MCPH1: variants seen among roughly 807,000 people sequenced by gnomAD.
MCPH1 encodes the protein microcephalin 1, also known as microcephalin.
Under a neutral mutation model 84.5 loss-of-function variants are expected in MCPH1, and 104 were observed. The ratio of observed to expected loss-of-function variants is 1.23; its 90% CI spans 1.05 to 1.45. The LOEUF (loss-of-function observed/expected upper bound fraction) is 1.45. MCPH1 is among the 40% of genes most tolerant of loss of function. The pLI is 0.00. For missense variants in MCPH1, 1,498 were observed against 1,005.7 expected (o/e 1.49, Z -6.62); for synonymous variants, 514 against 366.8 (o/e 1.40, Z -4.58).
intron 12 of MCPH1, among the ~76,000 whole-genome samples, chr8:6,611,909 C>A (rs530902707): frequency 6.6e-6 from 1 of 152,216 alleles, no homozygotes; most frequent in Non-Finnish European, 1.5e-5. Flanking sequence ...TGAGCCACCG[C>A]GCCCGGCCTG....
At chr8:6,528,059 C>G (rs941175993) in intron 12 of MCPH1, among the ~76,000 whole-genome samples, 1 of 128,118 alleles carries the variant, frequency 7.8e-6, no homozygotes, top group Non-Finnish European at 1.8e-5. Context: ...CCATACCCAG[C>G]TAATTTTTTA....
intron 13 of MCPH1, among the ~76,000 whole-genome samples, chr8:6,631,695 G>A (rs1430488069): frequency 6.6e-6 from 1 of 151,690 alleles, no homozygotes; most frequent in East Asian, 1.9e-4. Flanking sequence ...TGTTAGTAAG[G>A]ATGTGGAAAA....
intron 8 of MCPH1, chr8:6,446,066 CTA>C (rs1804324697): frequency 1.0e-6 from 1 of 980,432 alleles, no homozygotes; most frequent in Non-Finnish European, 1.2e-6. Flanking sequence ...TCAGTGTTAA[CTA>C]TGAAGAAACA....
chr8:6,531,125 C>A (rs763885190), intron 12 of MCPH1, among the ~76,000 whole-genome samples: 2 of 151,958 alleles, frequency 1.3e-5, no homozygotes, highest in Non-Finnish European at 2.9e-5. Flanking sequence ...CGGCCTTGAG[C>A]TTGGAGCGTC....
At chr8:6,490,031 C>T (rs1810385792) in intron 11 of MCPH1, among the ~76,000 whole-genome samples, 1 of 152,084 alleles carries the variant, frequency 6.6e-6, no homozygotes, top group African/African-American at 2.4e-5. Flanking sequence ...TAACTTGGAT[C>T]AACTGTGAAG....
intron 12 of MCPH1, among the ~76,000 whole-genome samples, chr8:6,613,078 C>T (rs893284892): frequency 2.6e-5 from 4 of 152,136 alleles, no homozygotes; most frequent in Non-Finnish European, 4.4e-5. Flanking sequence ...ATCGGCCTTC[C>T]ATATGGGGGT....
At chr8:6,586,727 A>G (rs1282754217) in intron 12 of MCPH1, among the ~76,000 whole-genome samples, 1 of 152,286 alleles carries the variant, frequency 6.6e-6, no homozygotes, top group Non-Finnish European at 1.5e-5. Flanking sequence ...CAAGCCATTC[A>G]TTTCTATGGG....
chr8:6,439,895 G>A (rs1244012107), intron 6 of MCPH1, among the ~76,000 whole-genome samples: 1 of 152,164 alleles, frequency 6.6e-6, no homozygotes, highest in Admixed American at 6.5e-5. Flanking sequence ...TCTACCTGGG[G>A]GTAACCTGTA....
At chr8:6,509,650 C>T (rs576927386) in intron 12 of MCPH1, among the ~76,000 whole-genome samples, 5 of 152,198 alleles carry the variant, frequency 3.3e-5, no homozygotes, top group African/African-American at 7.2e-5. Context: ...AAGTTAGACA[C>T]TATTTACAAT....
At chr8:6,593,295 C>G (rs1426638377) in intron 12 of MCPH1, among the ~76,000 whole-genome samples, 2 of 151,944 alleles carry the variant, frequency 1.3e-5, no homozygotes, top group Non-Finnish European at 2.9e-5. Flanking sequence ...GTTAGTCAGG[C>G]TGGTCTCAAA....
At chr8:6,500,204 A>G (rs1395003259) in intron 12 of MCPH1, 2 of 433,362 alleles carry the variant, frequency 4.6e-6, no homozygotes, top group South Asian at 2.3e-5. Flanking sequence ...ATGAAAAAAG[A>G]CTGAATTCTT....
chr8:6,539,582 T>C (rs989382614), intron 12 of MCPH1, among the ~76,000 whole-genome samples: 4 of 152,158 alleles, frequency 2.6e-5, no homozygotes, highest in Non-Finnish European at 5.9e-5. Flanking sequence ...TTTCTAGTCA[T>C]ACTTTTTTAT....
intron 12 of MCPH1, among the ~76,000 whole-genome samples, chr8:6,547,026 C>T (rs1168354352): frequency 6.6e-6 from 1 of 152,130 alleles, no homozygotes; most frequent in Non-Finnish European, 1.5e-5. Flanking sequence ...AAGAAGCGTT[C>T]TCAGAGCAAC....
intron 13 of MCPH1, among the ~76,000 whole-genome samples, chr8:6,631,062 C>T (rs540210855): frequency 5.8e-4 from 89 of 152,298 alleles, no homozygotes; most frequent in African/African-American, 2.0e-3. Context: ...ATACGGCAAC[C>T]AGGCAAATGC....
chr8:6,424,835 TCTTC>T (rs1800820119), intron 3 of MCPH1, among the ~76,000 whole-genome samples: 1 of 152,386 alleles, frequency 6.6e-6, no homozygotes, highest in African/African-American at 2.4e-5. Flanking sequence ...TCTCCTGTGT[TCTTC>T]CTTGTGTGTC....
Position 6,601,045 on chromosome 8 carries a change from C to T in MCPH1, c.2215-20409C>T, listed in dbSNP as rs77542231. Among the ~76,000 whole-genome samples, 1,276 of 152,262 alleles carry T rather than the reference C, an allele frequency of 8.4e-3. 23 individuals are homozygous for T. Among genetic ancestry groups the T allele is most frequent in the African/African-American group, 0.029 (1,213 of 41,536 alleles). ...CCCCCAGGAAGGAGAGCTGAGGCTC[C>T]CTGTGGGCTGGGGGCTGGCTTTGTG... On this transcript the variant is annotated intron_variant, in intron 12 of 13. Coordinates refer to ENST00000344683, the MANE Select transcript of MCPH1 (RefSeq NM_024596.5).
chr8:6,629,258 T>A (rs1796984441), intron 13 of MCPH1, among the ~76,000 whole-genome samples: 1 of 152,060 alleles, frequency 6.6e-6, no homozygotes, highest in Non-Finnish European at 1.5e-5. Flanking sequence ...AGGTCAGGAG[T>A]TTGGGACCAG....
chr8:6,575,643 C>G (rs983805772), intron 12 of MCPH1, among the ~76,000 whole-genome samples: 1 of 152,134 alleles, frequency 6.6e-6, no homozygotes, highest in African/African-American at 2.4e-5. Context: ...TCCTAAATGC[C>G]CTCAGCACGT....
Position 6,444,956 on chromosome 8 carries a change from T to C in MCPH1, c.1234T>C (p.Tyr412His). The C allele has an allele frequency of 6.2e-7, 1 of 1,614,208 alleles. No homozygotes were observed. The highest frequency in any genetic ancestry group is 8.5e-7 in the Non-Finnish European group (1 of 1,180,038). Residue 412 changes from tyrosine (Y) to histidine (H), a missense_variant, in exon 8 of 14, where the codon TAT becomes CAT. Tyr to His is a moderately conservative substitution (Grantham distance 83). Transcript: ENST00000344683. ...LEALSCGESSYDDYFSPDNLK... is the reference protein window; with the variant it reads ...LEALSCGESSHDDYFSPDNLK... ...GGCTCTTAGCTGTGGGGAGTCTTCA[T>C]ATGATGACTATTTTTCACCTGATAA...
Sources: gnomAD v4.1 joint callset for allele counts (sites outside exome capture counted in the v4.1 genomes callset) on GRCh38, gnomAD v4.1.1 for gene constraint, MANE v1.5 for transcripts, NCBI Gene and HGNC (gene_info 2026-07-23, HGNC 2026-07-21) for gene names.